GNG7: variants seen among roughly 807,000 people sequenced by gnomAD.
GNG7 encodes guanine nucleotide-binding protein G(I)/G(S)/G(O) subunit gamma-7.
Under a neutral mutation model 4.0 loss-of-function variants are expected in GNG7, and 1 was observed. That is an observed-to-expected ratio of 0.25 (90% confidence interval 0.09 to 1.18). The LOEUF (loss-of-function observed/expected upper bound fraction) is 1.18. GNG7 is among the 50% of genes most tolerant of loss of function. The pLI is 0.50. For missense variants in GNG7, 86 were observed against 91.9 expected, an observed-to-expected ratio of 0.94 and a Z score of 0.26; for synonymous variants, 34 against 36.9, an observed-to-expected ratio of 0.92 and a Z score of 0.29.
chr19:2,658,691 G>A (rs567474835), intron 1 of GNG7, among the ~76,000 whole-genome samples: 1 of 152,226 alleles, frequency 6.6e-6, no homozygotes, highest in South Asian at 2.1e-4. Context: ...GTAACTCCAC[G>A]CTTAGGAGGT....
intron 2 of GNG7, among the ~76,000 whole-genome samples, chr19:2,594,240 G>A (rs1023357268): frequency 6.6e-6 from 1 of 151,996 alleles, no homozygotes; most frequent in African/African-American, 2.4e-5. Flanking sequence ...GGGTGTGGTG[G>A]TGGGCACCTG....
At chr19:2,682,416 G>C (rs1983761371) in intron 1 of GNG7, among the ~76,000 whole-genome samples, 1 of 151,730 alleles carries the variant, frequency 6.6e-6, no homozygotes, top group South Asian at 2.1e-4. Context: ...TGTCATCCCA[G>C]CATTTCGGGA....
intron 2 of GNG7, among the ~76,000 whole-genome samples, chr19:2,560,106 T>A (rs544557878): frequency 6.6e-6 from 1 of 151,478 alleles, no homozygotes; most frequent in Admixed American, 6.6e-5. Context: ...CGCACGTCCA[T>A]GACTCTAATT....
chr19:2,527,785 C>CG lies in GNG7; in HGVS notation c.-37-7061_-37-7060insC, dbSNP rs1555691019. On this transcript the variant is annotated intron_variant, in intron 3 of 4. Transcript: ENST00000382159. ...CTCCTTGCCAGGAAACCCCCCCCCC[C>CG]ACCAGTGCGCCCACAGTCATGACCA... Among the ~76,000 whole-genome samples the CG allele has an allele frequency of 2.1e-3, 319 of 151,702 alleles. 2 individuals carry two copies. The highest frequency in any genetic ancestry group is 7.5e-3 in the African/African-American group (308 of 41,310).
chr19:2,610,992 A>C (rs1174969115), intron 2 of GNG7: 1 of 68,432 alleles, frequency 1.5e-5, no homozygotes, highest in Non-Finnish European at 2.7e-5. Context: ...GAACGGGCTC[A>C]CGTGCCAGGC....
At chr19:2,644,363 AT>A (rs1982605681) in intron 2 of GNG7, among the ~76,000 whole-genome samples, 2 of 19,306 alleles carry the variant, frequency 1.0e-4, no homozygotes, top group African/African-American at 5.4e-4. Flanking sequence ...ATATATATAT[AT>A]ATATATATAT....
chr19:2,534,666 A>T (rs981589978), intron 3 of GNG7, among the ~76,000 whole-genome samples: 4 of 152,204 alleles, frequency 2.6e-5, no homozygotes, highest in Non-Finnish European at 2.9e-5. Context: ...GAAGATATTT[A>T]TTATAAGAAA....
At chr19:2,667,921 AG>A (rs1400256164) in intron 1 of GNG7, among the ~76,000 whole-genome samples, 1 of 137,186 alleles carries the variant, frequency 7.3e-6, no homozygotes, top group East Asian at 2.3e-4. Context: ...TCCCAAAAAA[AG>A]AAAAAGCAAA....
intron 3 of GNG7, among the ~76,000 whole-genome samples, chr19:2,521,260 C>T (rs1481479851): frequency 6.6e-6 from 1 of 150,694 alleles, no homozygotes; most frequent in African/African-American, 2.4e-5. Flanking sequence ...AGCAAGACTC[C>T]GTCTCAAAAA....
chr19:2,553,306 G>T (rs761825694), intron 3 of GNG7, among the ~76,000 whole-genome samples: 83 of 150,486 alleles, frequency 5.5e-4, no homozygotes, highest in Admixed American at 5.5e-3. Flanking sequence ...CTAGAAAAAC[G>T]CGAATGAAAC....
intron 1 of GNG7, among the ~76,000 whole-genome samples, chr19:2,682,912 T>C (rs1983777407): frequency 6.6e-6 from 1 of 151,830 alleles, no homozygotes; most frequent in Non-Finnish European, 1.5e-5. Context: ...TACTGCATTC[T>C]AGAAGATTCC....
At position 2,546,830 on chromosome 19, in the gene GNG7, TGA is replaced by T. The variant is rs1187818167; in HGVS notation, c.-38+8317_-38+8318del. On this transcript the variant is annotated intron_variant, in intron 3 of 4. Coordinates refer to ENST00000382159, the MANE Select transcript of GNG7 (RefSeq NM_052847.3). This position sits in a 1 kb window ranked among gnomAD's most constrained non-coding sequence, Gnocchi z 6.3. ...GGGGCGGGGGATGACCACGGTCATG[TGA>T]GAGTTTGCAAGCCCGGGAACCGGGG... Among the ~76,000 whole-genome samples, 1 of 152,014 alleles carries T rather than the reference TGA, an allele frequency of 6.6e-6. No homozygotes were observed. The highest frequency in any genetic ancestry group is 1.5e-5 in the Non-Finnish European group (1 of 67,966).
chr19:2,669,659 C>T (rs911341656), intron 1 of GNG7, among the ~76,000 whole-genome samples: 1 of 151,994 alleles, frequency 6.6e-6, no homozygotes, highest in South Asian at 2.1e-4. Context: ...GTGCCTGCAA[C>T]GGAGAGCGCC....
chr19:2,616,107 G>A (rs1164035393), intron 2 of GNG7, among the ~76,000 whole-genome samples: 1 of 152,200 alleles, frequency 6.6e-6, no homozygotes. Flanking sequence ...GCCCAGCATT[G>A]ATTAAACACA....
Position 2,511,774 on chromosome 19 carries a change from C to G in GNG7, c.*3248G>C. On this transcript the variant is annotated 3_prime_UTR_variant, in exon 5 of 5. Transcript: ENST00000382159. The surrounding 1 kb of genome is among the most constrained non-coding windows in gnomAD (Gnocchi z 6.3). ...AACAGGAGCACCTTCCGCCCTGGCCCAGCCGCCCCGTTTATGTCCCCAGAG... is the reference window on the plus strand; with the variant it reads ...AACAGGAGCACCTTCCGCCCTGGCCGAGCCGCCCCGTTTATGTCCCCAGAG... 3.0e-6 allele frequency: 3 copies of G among 984,192 alleles called. No individual in the cohort carries two copies. Among genetic ancestry groups the G allele is most frequent in the Non-Finnish European group, 3.6e-6 (3 of 828,368 alleles). 61.0% of individuals were successfully genotyped at this position (984,192 alleles called of 1,614,324 possible).
At chr19:2,579,333 C>G (rs568243660) in intron 2 of GNG7, among the ~76,000 whole-genome samples, 65 of 152,370 alleles carry the variant, frequency 4.3e-4, no homozygotes, top group African/African-American at 1.5e-3. Context: ...TCCTGCAGCT[C>G]AGGGTGGCCA....
At chr19:2,643,290 C>T (rs7246938) in intron 2 of GNG7, 30,366 of 417,700 alleles carry the variant, frequency 0.073, 2,274 homozygotes, top group South Asian at 0.18. Flanking sequence ...CCATGTGCAC[C>T]GGAAATGCAA....
At chr19:2,553,958 T>C (rs1398153843) in intron 3 of GNG7, among the ~76,000 whole-genome samples, 2 of 137,222 alleles carry the variant, frequency 1.5e-5, no homozygotes, top group Non-Finnish European at 3.1e-5. Context: ...ATGTAATATA[T>C]ATTACACATA....
At chr19:2,540,342 G>A (rs1288349309) in intron 3 of GNG7, among the ~76,000 whole-genome samples, 1 of 151,480 alleles carries the variant, frequency 6.6e-6, no homozygotes, top group African/African-American at 2.4e-5. Flanking sequence ...GTAGAGATGG[G>A]GGTCTCACTA....
Sources: gnomAD v4.1 joint callset for allele counts (sites outside exome capture counted in the v4.1 genomes callset) on GRCh38, gnomAD v4.1.1 for gene constraint, Gnocchi (gnomAD v3.1) non-coding constraint, MANE v1.5 for transcripts, NCBI Gene and HGNC (gene_info 2026-07-23, HGNC 2026-07-21) for gene names.